The following CCDC149 variants were observed in gnomAD, a reference collection of about 807,000 sequenced individuals.
CCDC149 encodes the protein coiled-coil domain-containing protein 149.
A neutral mutation model predicts 59.9 loss-of-function variants in CCDC149; 45 were observed. The observed-to-expected ratio is 0.75, with a 90% CI of 0.59 to 0.96. The LOEUF is 0.96. Ranked by LOEUF, CCDC149 falls within the 40% of genes least tolerant of loss-of-function variation. CCDC149 has a pLI of 0.00. For synonymous variants in CCDC149, 245 were observed against 260.6 expected (o/e 0.94, Z 0.58); for missense variants, 584 against 664.7 (o/e 0.88, Z 1.33).
chr4:24,887,432 G>A (rs1487535129), intron 1 of CCDC149, among the ~76,000 whole-genome samples: 1 of 152,112 alleles, frequency 6.6e-6, no homozygotes, highest in Non-Finnish European at 1.5e-5. Flanking sequence ...ATGATAAACA[G>A]ACATGGCCAA....
intron 4 of CCDC149, among the ~76,000 whole-genome samples, chr4:24,851,062 A>G (rs558347710): frequency 6.6e-6 from 1 of 152,180 alleles, no homozygotes; most frequent in Admixed American, 6.5e-5. Context: ...AAATTTCTTT[A>G]CAGGCCATGA....
intron 1 of CCDC149, among the ~76,000 whole-genome samples, chr4:24,954,420 G>A (rs1317349494): frequency 4.6e-5 from 7 of 152,198 alleles, no homozygotes; most frequent in Non-Finnish European, 1.0e-4. Flanking sequence ...TCCGTGGTAG[G>A]TCTCTGCCTG....
intron 1 of CCDC149, among the ~76,000 whole-genome samples, chr4:24,935,942 A>G (rs1722727510): frequency 6.6e-6 from 1 of 152,122 alleles, no homozygotes; most frequent in Admixed American, 6.6e-5. Flanking sequence ...AAGAGACAAA[A>G]AAGAGGTGGT....
intron 1 of CCDC149, among the ~76,000 whole-genome samples, chr4:24,959,293 T>C (rs866733111): frequency 6.6e-6 from 1 of 152,224 alleles, no homozygotes; most frequent in African/African-American, 2.4e-5. Flanking sequence ...TTTTTTAATA[T>C]AAAGAATATC....
intron 1 of CCDC149, among the ~76,000 whole-genome samples, chr4:24,902,667 T>G (rs1371980569): frequency 6.6e-6 from 1 of 152,160 alleles, no homozygotes. Flanking sequence ...TACATTAGTG[T>G]CTAAGATCTA....
At chr4:24,880,090 A>C (rs1262872016) in intron 1 of CCDC149, among the ~76,000 whole-genome samples, 3 of 152,238 alleles carry the variant, frequency 2.0e-5, no homozygotes, top group African/African-American at 4.8e-5. Flanking sequence ...CAAAAATCTT[A>C]TACAGTCATG....
intron 6 of CCDC149, among the ~76,000 whole-genome samples, 183 bp from the exon 7 acceptor site, chr4:24,836,691 A>G (rs547586127): frequency 7.2e-5 from 11 of 152,352 alleles, no homozygotes; most frequent in African/African-American, 2.6e-4. Context: ...AATGAATGCA[A>G]TCAAGGTCAA....
intron 3 of CCDC149, among the ~76,000 whole-genome samples, chr4:24,859,733 C>T (rs1412309044): frequency 6.6e-6 from 1 of 152,182 alleles, no homozygotes; most frequent in African/African-American, 2.4e-5. Context: ...AGATCTTATA[C>T]ATGAATTCAG....
chr4:24,966,115 T>C (rs1723789272), intron 1 of CCDC149, among the ~76,000 whole-genome samples: 1 of 152,104 alleles, frequency 6.6e-6, no homozygotes, highest in Non-Finnish European at 1.5e-5. Flanking sequence ...ACAATTGGCA[T>C]CACAAACAGG....
chr4:24,849,072 C>T (rs1243270873), intron 4 of CCDC149, among the ~76,000 whole-genome samples: 4 of 152,082 alleles, frequency 2.6e-5, no homozygotes, highest in African/African-American at 7.2e-5. Flanking sequence ...TTAAATTCTC[C>T]GAGACCCCTT....
chr4:24,925,676 G>A (rs1336753609), intron 1 of CCDC149, among the ~76,000 whole-genome samples: 1 of 152,140 alleles, frequency 6.6e-6, no homozygotes, highest in East Asian at 1.9e-4. Flanking sequence ...AACAAAGAAG[G>A]TCTACAAGAC....
intron 3 of CCDC149, among the ~76,000 whole-genome samples, chr4:24,871,042 CAAAAAAAAAAA>C: frequency 1.3e-5 from 1 of 77,980 alleles, no homozygotes; most frequent in South Asian, 4.4e-4. Flanking sequence ...GAGACTCCCT[CAAAAAAAAAAA>C]AAAAAAAGAT....
intron 12 of CCDC149, among the ~76,000 whole-genome samples, chr4:24,814,527 A>C (rs916893688): frequency 6.6e-6 from 1 of 152,218 alleles, no homozygotes; most frequent in African/African-American, 2.4e-5. Flanking sequence ...TTCATGGACC[A>C]GCAGTGGCAG....
At chr4:24,815,574 C>T (rs758272666) in intron 12 of CCDC149, among the ~76,000 whole-genome samples, 103 of 152,240 alleles carry the variant, frequency 6.8e-4, no homozygotes, top group Non-Finnish European at 2.4e-4. Context: ...ATTCTAGTCC[C>T]CCTGAAAAAT....
chr4:24,952,759 C>T (rs1723353278), intron 1 of CCDC149, among the ~76,000 whole-genome samples: 1 of 150,102 alleles, frequency 6.7e-6, no homozygotes. Context: ...GTGCAACCAC[C>T]ACCACCATCC....
intron 1 of CCDC149, among the ~76,000 whole-genome samples, chr4:24,954,690 C>T (rs936790542): frequency 6.6e-6 from 1 of 152,160 alleles, no homozygotes; most frequent in Non-Finnish European, 1.5e-5. Context: ...AGTCCTGAGG[C>T]CCCCTCCCTA....
In CCDC149 at chr4:24,912,719, C is replaced by G. The variant is rs1012195478; in HGVS notation, c.63+98G>C. 4.6e-6 allele frequency: 4 copies of G among 875,244 alleles called. No homozygotes were observed. The East Asian group carries it at 2.0e-4, about 43-fold the overall frequency. The allele number at this position is 875,244 out of a possible 1,614,324, so 54.2% of individuals were successfully genotyped here. On this transcript the variant is annotated intron_variant, in intron 1 of 12. Transcript: ENST00000635206. ...GCGGCCACTTGGAGTGCGCGCCCCC[C>G]TCTCGTCCCTCCCAGCTCGGCCTCT... is the stretch of plus-strand genomic sequence containing the variant.
intron 1 of CCDC149, among the ~76,000 whole-genome samples, chr4:24,969,281 C>T (rs865892335): frequency 4.6e-5 from 7 of 152,202 alleles, no homozygotes; most frequent in African/African-American, 7.2e-5. Flanking sequence ...TATATGCATG[C>T]GCTAACAGCT....
At chr4:24,871,885 G>A (rs987133279) in intron 3 of CCDC149, among the ~76,000 whole-genome samples, 7 of 152,130 alleles carry the variant, frequency 4.6e-5, no homozygotes, top group African/African-American at 1.7e-4. Flanking sequence ...TAAAGCCACA[G>A]AACATATCTA....
Sources: gnomAD v4.1 joint callset for allele counts (sites outside exome capture counted in the v4.1 genomes callset) on GRCh38, gnomAD v4.1.1 for gene constraint, MANE v1.5 for transcripts, NCBI Gene and HGNC (gene_info 2026-07-23, HGNC 2026-07-21) for gene names.